RYR3: variants seen among roughly 807,000 people sequenced by gnomAD.
RYR3 encodes ryanodine receptor 3.
Under a neutral mutation model 584.3 loss-of-function variants are expected in RYR3, and 207 were observed. The observed-to-expected ratio is 0.35, with a 90% CI of 0.32 to 0.40. The LOEUF is 0.40. Among genes scored for constraint, RYR3 ranks in the 10% least tolerant of loss-of-function variants. The pLI is 1.00. For synonymous variants in RYR3, 2,416 were observed against 2,248.5 expected (o/e 1.07, Z -2.11); for missense variants, 5,616 against 6,089.2 (o/e 0.92, Z 2.59).
At chr15:33,570,836 ATATAAT>A (rs71117148) in intron 12 of RYR3, among the ~76,000 whole-genome samples, 98,876 of 151,106 alleles carry the variant, frequency 0.65, 33,259 homozygotes, top group Middle Eastern at 0.76. Context: ...GCTACTACAA[ATATAAT>A]TATTTTTTTG....
At chr15:33,416,658 T>TA (rs1051893792) in intron 1 of RYR3, among the ~76,000 whole-genome samples, 5 of 152,222 alleles carry the variant, frequency 3.3e-5, no homozygotes, top group African/African-American at 1.2e-4. Flanking sequence ...ACTCTGTTGA[T>TA]AGTTTCTTTT....
chr15:33,704,189 G>T (rs529910441), intron 42 of RYR3, among the ~76,000 whole-genome samples: 9 of 151,142 alleles, frequency 6.0e-5, no homozygotes, highest in Non-Finnish European at 8.8e-5. Flanking sequence ...CAGGAGAATT[G>T]TTTGATCCCG....
At chr15:33,500,622 T>C (rs779320085) in intron 2 of RYR3, among the ~76,000 whole-genome samples, 11 of 152,102 alleles carry the variant, frequency 7.2e-5, no homozygotes, top group Non-Finnish European at 1.5e-4. Flanking sequence ...TCAGAACAGA[T>C]GTCAACAGAG....
chr15:33,360,877 T>C (rs909506495), intron 1 of RYR3, among the ~76,000 whole-genome samples: 1 of 152,246 alleles, frequency 6.6e-6, no homozygotes, highest in Non-Finnish European at 1.5e-5. Context: ...CCTCTGCTCC[T>C]GGAGACAGGA....
At chr15:33,614,394 G>A (rs1181197982) in intron 19 of RYR3, among the ~76,000 whole-genome samples, 2 of 151,946 alleles carry the variant, frequency 1.3e-5, no homozygotes, top group African/African-American at 4.8e-5. Flanking sequence ...ATTTGGGCTT[G>A]CAGTATCATT....
chr15:33,350,523 C>A (rs531607601), intron 1 of RYR3, among the ~76,000 whole-genome samples: 6 of 151,312 alleles, frequency 4.0e-5, no homozygotes, highest in African/African-American at 1.5e-4. Flanking sequence ...AAGCTCTCCT[C>A]AGCAAATGTA....
chr15:33,413,806 T>C (rs1235478475), intron 1 of RYR3, among the ~76,000 whole-genome samples: 1 of 152,228 alleles, frequency 6.6e-6, no homozygotes, highest in African/African-American at 2.4e-5. Flanking sequence ...TTTTTCCCCA[T>C]GTATTTGGGA....
intron 24 of RYR3, among the ~76,000 whole-genome samples, chr15:33,633,507 C>T (rs1457156217): frequency 6.6e-6 from 1 of 152,172 alleles, no homozygotes; most frequent in Admixed American, 6.5e-5. Flanking sequence ...AGAGTTTAGT[C>T]CCAAACCACC....
chr15:33,829,223 C>T (rs1267911167), intron 85 of RYR3, among the ~76,000 whole-genome samples: 1 of 152,124 alleles, frequency 6.6e-6, no homozygotes, highest in Non-Finnish European at 1.5e-5. Flanking sequence ...GCACCTGGTT[C>T]CAAGAGCTCT....
chr15:33,857,122 T>G (rs1168945757), intron 98 of RYR3, among the ~76,000 whole-genome samples: 1 of 152,166 alleles, frequency 6.6e-6, no homozygotes, highest in Non-Finnish European at 1.5e-5. Flanking sequence ...CCCAATCTAA[T>G]GCCCTATACA....
chr15:33,384,004 G>T (rs767068990), intron 1 of RYR3, among the ~76,000 whole-genome samples: 33 of 152,124 alleles, frequency 2.2e-4, no homozygotes, highest in Admixed American at 4.6e-4. Context: ...GTCAATTAAC[G>T]CAAGAACAGA....
intron 1 of RYR3, among the ~76,000 whole-genome samples, chr15:33,464,599 C>T (rs2048342034): frequency 6.8e-6 from 1 of 147,882 alleles, no homozygotes; most frequent in South Asian, 2.1e-4. Context: ...AATGCATTTC[C>T]TATATAATAT....
intron 1 of RYR3, among the ~76,000 whole-genome samples, chr15:33,405,511 A>T (rs1041592038): frequency 5.0e-4 from 76 of 152,206 alleles, no homozygotes; most frequent in African/African-American, 1.8e-3. Flanking sequence ...CCTCCTTGGC[A>T]TGCTGATGTA....
Position 33,820,649 on chromosome 15 carries a change from GT to G in RYR3, c.10759-106del, listed in dbSNP as rs373243176. ...CTTTACACAACGCTGAGGTCCTGAGGTGCCTGTGAATTACGTCCTGTCCCCT... is the reference window on the plus strand; with the variant it reads ...CTTTACACAACGCTGAGGTCCTGAGGGCCTGTGAATTACGTCCTGTCCCCT... On this transcript the variant is annotated intron_variant, in intron 77 of 103. Coordinates refer to ENST00000634891, the MANE Select transcript of RYR3 (RefSeq NM_001036.6). The G allele has an allele frequency of 2.6e-5, 24 of 935,310 alleles. No individual in the cohort carries two copies. The African/African-American group carries it at 3.0e-4, about 12-fold the overall frequency. 57.9% of individuals were successfully genotyped at this position (935,310 alleles called of 1,614,324 possible).
chr15:33,787,070 G>A (rs1471106815), intron 66 of RYR3, among the ~76,000 whole-genome samples: 1 of 152,208 alleles, frequency 6.6e-6, no homozygotes, highest in Admixed American at 6.5e-5. Context: ...CTCCCTAGAG[G>A]TGCGCAGAGG....
chr15:33,471,445 A>G (rs572176748), intron 1 of RYR3, among the ~76,000 whole-genome samples: 3 of 152,162 alleles, frequency 2.0e-5, no homozygotes, highest in South Asian at 2.1e-4. Context: ...TCAGAAGACA[A>G]TTAGGGAGAC....
chr15:33,513,182 C>T (rs538990953), intron 3 of RYR3, among the ~76,000 whole-genome samples: 8 of 152,250 alleles, frequency 5.3e-5, no homozygotes, highest in African/African-American at 1.4e-4. Context: ...TCATGTAATT[C>T]GCTTTTTAAT....
At chr15:33,429,433 A>G (rs1012597161) in intron 1 of RYR3, among the ~76,000 whole-genome samples, 1 of 152,238 alleles carries the variant, frequency 6.6e-6, no homozygotes, top group African/African-American at 2.4e-5. Context: ...AAAATCTGAG[A>G]TAACAGCGGG....
chr15:33,813,318 C>A (rs1164601162), intron 73 of RYR3, 149 bp from the exon 74 acceptor site: 1 of 676,810 alleles, frequency 1.5e-6, no homozygotes, highest in Non-Finnish European at 2.6e-6. Flanking sequence ...ACTTTCACAA[C>A]TGAAATCATC....
Sources: allele counts gnomAD v4.1 joint callset (sites outside exome capture counted in the v4.1 genomes callset), GRCh38; gene constraint gnomAD v4.1.1; transcripts MANE v1.5; gene names NCBI Gene and HGNC (gene_info 2026-07-23, HGNC 2026-07-21).